TRIM24: variants seen among roughly 807,000 people sequenced by gnomAD.
TRIM24 encodes the protein transcription intermediary factor 1-alpha.
Under a neutral mutation model 123.9 loss-of-function variants are expected in TRIM24, and 29 were observed. The observed-to-expected ratio is 0.23, with a 90% CI of 0.17 to 0.32. The LOEUF is 0.32. Among genes scored for constraint, TRIM24 ranks in the 10% least tolerant of loss-of-function variants. TRIM24 has a pLI of 1.00. For missense variants in TRIM24, 932 were observed against 1,295.3 expected, an observed-to-expected ratio of 0.72 and a Z score of 4.31; for synonymous variants, 456 against 461.1, an observed-to-expected ratio of 0.99 and a Z score of 0.14.
chr7:138,502,221 G>A (rs1008907607), intron 1 of TRIM24, among the ~76,000 whole-genome samples: 6 of 152,156 alleles, frequency 3.9e-5, no homozygotes, highest in East Asian at 1.9e-4. Context: ...TTAGCTGGAC[G>A]GTACAGGGCT....
At position 138,462,091 on chromosome 7, in the gene TRIM24, C is replaced by G. The variant is rs528131688; in HGVS notation, c.364+1179C>G. On this transcript the variant is annotated intron_variant, in intron 1 of 18. Coordinates refer to ENST00000343526, the MANE Select transcript of TRIM24 (RefSeq NM_015905.3). ...TCACGGATATTATCTAAAGAGCAGC[C>G]TTGGAAGATAGAGATAGTGTCTTCC... Among the ~76,000 whole-genome samples the G allele has an allele frequency of 2.0e-5, 3 of 152,270 alleles. No individual in the cohort carries two copies. The East Asian group carries it at 5.8e-4, about 29-fold the overall frequency.
intron 15 of TRIM24, among the ~76,000 whole-genome samples, chr7:138,580,082 C>T (rs1797861025): frequency 1.3e-5 from 2 of 152,184 alleles, no homozygotes; most frequent in Non-Finnish European, 1.5e-5. Flanking sequence ...AGTAAATTCT[C>T]ATACCCTATG....
intron 2 of TRIM24, among the ~76,000 whole-genome samples, chr7:138,512,853 T>A (rs1438055622): frequency 6.6e-6 from 1 of 152,206 alleles, no homozygotes; most frequent in Non-Finnish European, 1.5e-5. Context: ...AATGGGCTTT[T>A]CTTTCCTACC....
At chr7:138,536,191 C>T (rs368790761) in intron 6 of TRIM24, among the ~76,000 whole-genome samples, 10 of 152,124 alleles carry the variant, frequency 6.6e-5, no homozygotes, top group African/African-American at 2.2e-4. Flanking sequence ...GGAGTTTCAT[C>T]GTCTAAAGCC....
intron 9 of TRIM24, among the ~76,000 whole-genome samples, 162 bp from the exon 10 acceptor site, chr7:138,567,319 A>G (rs1797553924): frequency 6.6e-6 from 1 of 152,144 alleles, no homozygotes; most frequent in Non-Finnish European, 1.5e-5. Flanking sequence ...AAATTCTGAA[A>G]GTCTGCCCAT....
At chr7:138,517,746 A>G (rs1283358546) in intron 3 of TRIM24, among the ~76,000 whole-genome samples, 1 of 151,970 alleles carries the variant, frequency 6.6e-6, no homozygotes, top group Non-Finnish European at 1.5e-5. Context: ...ATCGTTGGGG[A>G]CTGATTTGTG....
At chr7:138,551,358 G>A (rs1797207130) in intron 8 of TRIM24, among the ~76,000 whole-genome samples, 178 bp downstream of exon 8, 1 of 152,136 alleles carries the variant, frequency 6.6e-6, no homozygotes, top group Non-Finnish European at 1.5e-5. Flanking sequence ...ACCAGCCTGA[G>A]CAACATAGGG....
At position 138,531,808 on chromosome 7, in the gene TRIM24, G is replaced by A. The variant is rs1222267179; in HGVS notation, c.996+2578G>A. Among the ~76,000 whole-genome samples the A allele has an allele frequency of 2.0e-5, 3 of 152,178 alleles. No homozygotes were observed. In the East Asian group the frequency reaches 5.8e-4, roughly 29 times the overall value. On this transcript the variant is annotated intron_variant, in intron 6 of 18. Coordinates refer to ENST00000343526, the MANE Select transcript of TRIM24 (RefSeq NM_015905.3). ...GAATCGCCACGCTGTCTTCCACAGT[G>A]GTTGAACTAGTTTACAGTCTCACCA...
intron 1 of TRIM24, among the ~76,000 whole-genome samples, chr7:138,494,233 C>G (rs1563032224): frequency 6.6e-6 from 1 of 152,048 alleles, no homozygotes; most frequent in Non-Finnish European, 1.5e-5. Flanking sequence ...CTGTCCACCT[C>G]CACCTCCCAA....
Position 138,584,985 on chromosome 7 carries a change from A to AT in TRIM24, c.*41dup, listed in dbSNP as rs777415559. ...ACCACTAGCTTGTGCTGGTTTTTAG[A>AT]TTTTTTTGTTTTCAAAAAAACATTT... On this transcript the variant is annotated 3_prime_UTR_variant, in exon 19 of 19. Transcript: ENST00000343526. 2.1e-5 allele frequency: 33 copies of AT among 1,547,006 alleles called. No homozygotes were observed. The highest frequency in any genetic ancestry group is 2.6e-5 in the Non-Finnish European group (30 of 1,149,034).
At chr7:138,462,340 T>G (rs1156856183) in intron 1 of TRIM24, among the ~76,000 whole-genome samples, 1 of 142,168 alleles carries the variant, frequency 7.0e-6, no homozygotes, top group East Asian at 2.0e-4. Context: ...GCAAAAATCT[T>G]TTTTTTTTTT....
chr7:138,563,727 C>T (rs752565377), intron 9 of TRIM24, among the ~76,000 whole-genome samples: 4 of 152,220 alleles, frequency 2.6e-5, no homozygotes, highest in Non-Finnish European at 5.9e-5. Context: ...AGCTGGAATG[C>T]CTCACAGAGT....
At chr7:138,466,597 A>C (rs1273499905) in intron 1 of TRIM24, among the ~76,000 whole-genome samples, 1 of 143,928 alleles carries the variant, frequency 6.9e-6, no homozygotes, top group African/African-American at 2.6e-5. Flanking sequence ...TCAAGTGATC[A>C]CCCATCTCGT....
rs374714682 is a variant in TRIM24, at chr7:138,538,814, G to A, written c.1143+11G>A. 8 of 1,612,748 alleles carry A rather than the reference G, an allele frequency of 5.0e-6. No individual in the cohort carries two copies. Among genetic ancestry groups the A allele is most frequent in the African/African-American group, 1.3e-5 (1 of 74,914 alleles). Reference sequence around the variant, plus strand: ...TATAGCAAACGACTGGTAAGATAAAGTATGCTATTTAATATACTGTAAAAA... The same window carrying A: ...TATAGCAAACGACTGGTAAGATAAAATATGCTATTTAATATACTGTAAAAA... On this transcript the variant is annotated intron_variant, in intron 7 of 18. Coordinates refer to ENST00000343526, the MANE Select transcript of TRIM24 (RefSeq NM_015905.3).
intron 1 of TRIM24, among the ~76,000 whole-genome samples, chr7:138,494,649 C>G (rs777191863): frequency 6.6e-6 from 1 of 152,068 alleles, no homozygotes; most frequent in African/African-American, 2.4e-5. Flanking sequence ...TCAACTAAAA[C>G]TATACCAATA....
Position 138,554,183 on chromosome 7 carries a change from A to G in TRIM24, c.1262-515A>G, listed in dbSNP as rs1043354209. Among the ~76,000 whole-genome samples, 1 of 152,108 alleles carries G rather than the reference A, an allele frequency of 6.6e-6. No homozygotes were observed. Among genetic ancestry groups the G allele is most frequent in the African/African-American group, 2.4e-5 (1 of 41,416 alleles). The stretch of plus-strand genomic sequence containing the variant: ...CCTTAACGCAGAACTCCAAACACAC[A>G]TTCTTCTTAGGCCATACAGGGTCAC... On this transcript the variant is annotated intron_variant, in intron 8 of 18. Coordinates refer to ENST00000343526, the MANE Select transcript of TRIM24 (RefSeq NM_015905.3). The surrounding 1 kb of genome is among the most constrained non-coding windows in gnomAD (Gnocchi z 4.5).
chr7:138,474,028 C>T (rs947319957), intron 1 of TRIM24, among the ~76,000 whole-genome samples: 1 of 152,174 alleles, frequency 6.6e-6, no homozygotes, highest in Non-Finnish European at 1.5e-5. Flanking sequence ...GCCTTGGCCT[C>T]CCAAAGTGCT....
At chr7:138,560,746 C>A (rs1797410201) in intron 9 of TRIM24, among the ~76,000 whole-genome samples, 1 of 152,208 alleles carries the variant, frequency 6.6e-6, no homozygotes, top group Admixed American at 6.5e-5. Flanking sequence ...AGAATTTCCA[C>A]CATCGTTCTT....
rs75256862 is a variant in TRIM24, at chr7:138,503,214, C to T, written c.365-1076C>T. On this transcript the variant is annotated intron_variant, in intron 1 of 18. Transcript: ENST00000343526. Reference sequence around the variant, plus strand: ...ATAGTAGGTTTTATTAGTTGGGAGGCGTGTCCCCTCAGCTTGTGAAAATTC... The same window carrying T: ...ATAGTAGGTTTTATTAGTTGGGAGGTGTGTCCCCTCAGCTTGTGAAAATTC... 2.2e-3 allele frequency among the ~76,000 whole-genome samples: 332 copies of T among 152,094 alleles called. 11 individuals carry two copies. The East Asian group carries it at 0.058, about 27-fold the overall frequency.
Sources: allele counts gnomAD v4.1 joint callset (sites outside exome capture counted in the v4.1 genomes callset), GRCh38; gene constraint gnomAD v4.1.1; non-coding constraint Gnocchi (gnomAD v3.1); transcripts MANE v1.5; gene names NCBI Gene and HGNC (gene_info 2026-07-23, HGNC 2026-07-21).